Variants in ME2 observed in about 807,000 individuals in gnomAD.
ME2 encodes the protein malic enzyme 2, also known as NAD-dependent malic enzyme, mitochondrial.
A neutral mutation model predicts 73.7 loss-of-function variants in ME2; 60 were observed. That is an observed-to-expected ratio of 0.81 (90% CI 0.66 to 1.01). ME2 has a LOEUF of 1.01. ME2 is among the 50% of genes least tolerant of loss of function. ME2 has a pLI of 0.00. For synonymous variants in ME2, 199 were observed against 236.9 expected (o/e 0.84, Z 1.47); for missense variants, 594 against 705.5 (o/e 0.84, Z 1.79).
At position 50,895,830 on chromosome 18, in the gene ME2, C is replaced by G. The variant is rs193005055; in HGVS notation, c.10C>G (p.Arg4Gly). MLS[R>G]LRVVSTTCTL... Reference sequence around the variant, plus strand: ...TCAGGTGAAAGAAAAGATGTTGTCCCGGTTAAGAGTAGTTTCCACCACTTG... The same window carrying G: ...TCAGGTGAAAGAAAAGATGTTGTCCGGGTTAAGAGTAGTTTCCACCACTTG... The change falls in exon 2 of 16, where the codon CGG (arginine) becomes GGG (glycine). Residue 4 changes from arginine to glycine, a missense_variant. Coordinates refer to ENST00000321341, the MANE Select transcript of ME2 (RefSeq NM_002396.5). 3 of 1,611,188 alleles carry G rather than the reference C, an allele frequency of 1.9e-6. No individual in the cohort carries two copies. Among genetic ancestry groups the G allele is most frequent in the South Asian group, 2.2e-5 (2 of 90,884 alleles).
chr18:50,925,816 A>T lies in ME2; in HGVS notation c.1232A>T (p.Asn411Ile). ...GTAATCAGAGCCATGGCCTCTATCA[A>T]TGAAAGGCCTGTAATATTTGCATTA... is the stretch of plus-strand genomic sequence containing the variant. ...PDVIRAMASI[N>I]ERPVIFALSN... The change falls in exon 12 of 16, where the codon AAT (asparagine) becomes ATT (isoleucine). Residue 411 changes from asparagine (N) to isoleucine (I), a missense_variant. Asn to Ile is a moderately radical substitution (Grantham distance 149). Coordinates refer to ENST00000321341, the MANE Select transcript of ME2 (RefSeq NM_002396.5). 6.2e-7 allele frequency: 1 copy of T among 1,612,328 alleles called. No individual in the cohort carries two copies. The highest frequency in any genetic ancestry group is 1.1e-5 in the South Asian group (1 of 91,034).
chr18:50,936,144 C>G (rs545889634), intron 13 of ME2, among the ~76,000 whole-genome samples: 1 of 152,140 alleles, frequency 6.6e-6, no homozygotes, highest in East Asian at 1.9e-4. Flanking sequence ...AGATTTCCTT[C>G]AAAGAAGCGA....
At chr18:50,884,124 GTTTTT>G (rs901854978) in intron 1 of ME2, among the ~76,000 whole-genome samples, 8 of 150,352 alleles carry the variant, frequency 5.3e-5, no homozygotes, top group Non-Finnish European at 1.0e-4. Flanking sequence ...TTTTCCTTAA[GTTTTT>G]TTTTAATTAT....
chr18:50,926,789 C>T (rs1917563595), intron 12 of ME2, among the ~76,000 whole-genome samples: 1 of 152,074 alleles, frequency 6.6e-6, no homozygotes. Context: ...TTGTTAGGTT[C>T]TTAATTTTAG....
chr18:50,924,708 T>G (rs1260060407), intron 11 of ME2, among the ~76,000 whole-genome samples: 10 of 151,940 alleles, frequency 6.6e-5, no homozygotes, highest in Admixed American at 3.9e-4. Flanking sequence ...TTTTTGTTTT[T>G]TTTTTTGAGA....
At chr18:50,924,243 A>G (rs1490774588) in intron 11 of ME2, 31 bp downstream of exon 11, 1 of 1,413,928 alleles carries the variant, frequency 7.1e-7, no homozygotes, top group Non-Finnish European at 9.9e-7. Flanking sequence ...AAATAATTTT[A>G]CTCCCTAACT....
At chr18:50,937,830 A>G (rs2144264694) in intron 13 of ME2, among the ~76,000 whole-genome samples, 1 of 152,302 alleles carries the variant, frequency 6.6e-6, no homozygotes, top group East Asian at 1.9e-4. Flanking sequence ...TCCAAGAGGT[A>G]CAATATCAGA....
At position 50,926,641 on chromosome 18, in the gene ME2, G is replaced by A. The variant is rs117432478; in HGVS notation, c.1314+743G>A. Among the ~76,000 whole-genome samples the A allele has an allele frequency of 6.4e-4, 98 of 152,072 alleles. No homozygotes were observed. In the East Asian group the frequency reaches 0.018, roughly 28 times the overall value. On this transcript the variant is annotated intron_variant, in intron 12 of 15. Transcript: ENST00000321341. Reference sequence around the variant, plus strand: ...TCATCTTATGGGACTCTAATTATATGGTTAGAGATATATCTCATTTATCTT... The same window carrying A: ...TCATCTTATGGGACTCTAATTATATAGTTAGAGATATATCTCATTTATCTT...
In ME2 at chr18:50,921,139, G is replaced by C. The variant is rs1160751524; in HGVS notation, c.1008G>C (p.Glu336Asp). 1.2e-6 allele frequency: 2 copies of C among 1,602,900 alleles called. No individual in the cohort carries two copies. The highest frequency in any genetic ancestry group is 3.4e-5 in the Admixed American group (2 of 58,142). ...TAGAAAATGGCCTGTCAGAACAAGA[G>C]GCACAAAAGAAAATCTGGATGTTTG... ...SMVENGLSEQ[E>D]AQKKIWMFDK... The change falls in exon 10 of 16, where the codon GAG becomes GAC. Residue 336 changes from glutamate to aspartate, a missense_variant. Coordinates refer to ENST00000321341, the MANE Select transcript of ME2 (RefSeq NM_002396.5).
intron 7 of ME2, among the ~76,000 whole-genome samples, chr18:50,918,480 CTCAGTACCTTTT>C (rs1917340459): frequency 1.3e-5 from 2 of 152,188 alleles, no homozygotes; most frequent in South Asian, 2.1e-4. Flanking sequence ...ACGCTTACTG[CTCAGTACCTTTT>C]TCAGCCTTGA....
intron 13 of ME2, among the ~76,000 whole-genome samples, chr18:50,937,852 T>A (rs1917853237): frequency 6.6e-6 from 1 of 151,968 alleles, no homozygotes; most frequent in Admixed American, 6.6e-5. Flanking sequence ...AATATAAATG[T>A]CAGGGAACAA....
rs182328944 is a variant in ME2, at chr18:50,917,263, T to G, written c.469-84T>G. The G allele has an allele frequency of 4.7e-5, 49 of 1,053,102 alleles. No individual in the cohort carries two copies. The East Asian group carries it at 1.2e-3, about 25-fold the overall frequency. 65.2% of individuals were successfully genotyped at this position (1,053,102 alleles called of 1,614,324 possible). A position where few individuals can be genotyped will look rare whatever the true frequency, so the allele number is the denominator to read the frequency against. ...TTTAAGAGCAAAGAGTAAATATATA[T>G]GAAGTGAATCAATCTTTTAAAAAAT... On this transcript the variant is annotated intron_variant, in intron 5 of 15. Transcript: ENST00000321341.
chr18:50,881,312 C>T lies in ME2; in HGVS notation c.-13+2004C>T, dbSNP rs149471569. ...TCGGCCTCCCAAAGTGCTGGGATTA[C>T]AGGAGTGAGCCACCATGCCCGGTGA... On this transcript the variant is annotated intron_variant, in intron 1 of 15. Coordinates refer to ENST00000321341, the MANE Select transcript of ME2 (RefSeq NM_002396.5). Among the ~76,000 whole-genome samples, 4 of 152,258 alleles carry T rather than the reference C, an allele frequency of 2.6e-5. No individual in the cohort carries two copies. The South Asian group carries it at 6.2e-4, about 24-fold the overall frequency.
At chr18:50,928,229 G>A (rs1180889233) in intron 12 of ME2, among the ~76,000 whole-genome samples, 9 of 151,264 alleles carry the variant, frequency 5.9e-5, no homozygotes, top group Non-Finnish European at 1.2e-4. Flanking sequence ...TTGTTTGTAA[G>A]GCTAATTTGT....
At chr18:50,935,002 G>A (rs1917784172) in intron 13 of ME2, 1 of 152,140 alleles carries the variant, frequency 6.6e-6, no homozygotes, top group Admixed American at 6.6e-5. Flanking sequence ...TCGGCACCAT[G>A]TCCGAGTCTG....
chr18:50,941,600 C>T (rs953866517), intron 15 of ME2, among the ~76,000 whole-genome samples: 58 of 150,544 alleles, frequency 3.9e-4, no homozygotes, highest in Non-Finnish European at 3.2e-4. Flanking sequence ...GTCTCGAACT[C>T]CTGACCTCAG....
chr18:50,923,838 G>A (rs1917482930), intron 10 of ME2, among the ~76,000 whole-genome samples: 1 of 152,128 alleles, frequency 6.6e-6, no homozygotes, highest in East Asian at 1.9e-4. Flanking sequence ...TTGGACTTAG[G>A]AAGACCTCAT....
chr18:50,920,507 A>T lies in ME2; in HGVS notation c.786A>T (p.Ala262=), dbSNP rs765726932. The change falls in exon 8 of 16, where the codon GCA becomes GCT. Residue 262 remains alanine (A), a synonymous_variant. Coordinates refer to ENST00000321341, the MANE Select transcript of ME2 (RefSeq NM_002396.5). ...TCGAAGACTTTGGAAATCATAATGC[A>T]TTCAGGTTCTTGAGAAAGTACCGAG... is the stretch of plus-strand genomic sequence containing the variant. ...IQFEDFGNHN[A]FRFLRKYREK... 6.2e-7 allele frequency: 1 copy of T among 1,600,878 alleles called. No individual in the cohort carries two copies. Among genetic ancestry groups the T allele is most frequent in the Non-Finnish European group, 8.5e-7 (1 of 1,177,214 alleles).
chr18:50,921,261 T>A, intron 10 of ME2, 74 bp downstream of exon 10: 1 of 729,056 alleles, frequency 1.4e-6, no homozygotes, highest in Non-Finnish European at 2.1e-6. Context: ...TATTATTCCT[T>A]AAAATCTTGT....
Sources: gnomAD v4.1 joint callset for allele counts (sites outside exome capture counted in the v4.1 genomes callset) on GRCh38, gnomAD v4.1.1 for gene constraint, MANE v1.5 for transcripts, NCBI Gene and HGNC (gene_info 2026-07-23, HGNC 2026-07-21) for gene names.